SIGLEC8: variants seen among roughly 807,000 people sequenced by gnomAD.
The protein encoded by SIGLEC8 is sialic acid binding Ig like lectin 8, also known as sialic acid-binding Ig-like lectin 8.
A neutral mutation model predicts 42.1 loss-of-function variants in SIGLEC8; 32 were observed. That is an observed-to-expected ratio of 0.76 (90% CI 0.57 to 1.02). The LOEUF (loss-of-function observed/expected upper bound fraction) is 1.02. Among genes scored for constraint, SIGLEC8 ranks in the 50% least tolerant of loss-of-function variants. The pLI, the probability that SIGLEC8 is intolerant of heterozygous loss-of-function variation, is 0.00. For synonymous variants in SIGLEC8, 262 were observed against 260.3 expected (o/e 1.01, Z -0.06); for missense variants, 611 against 610.2 (o/e 1.00, Z -0.01).
chr19:51,455,978 A>G (rs1282330234), intron 3 of SIGLEC8, among the ~76,000 whole-genome samples: 1 of 151,808 alleles, frequency 6.6e-6, no homozygotes, highest in Non-Finnish European at 1.5e-5. Context: ...TGCAAGGACA[A>G]AAAAACAAAC....
Position 51,452,361 on chromosome 19 carries a change from G to C in SIGLEC8, c.*18C>G. On this transcript the variant is annotated 3_prime_UTR_variant, in exon 7 of 7. Coordinates refer to ENST00000321424, the MANE Select transcript of SIGLEC8 (RefSeq NM_014442.3). ...ACTGCATAGCATGGGGCTCTAGAGG[G>C]TTCTTGTTCTATGAGAATCAGCCTC... The C allele has an allele frequency of 2.5e-6, 4 of 1,585,332 alleles. No homozygotes were observed. The highest frequency in any genetic ancestry group is 3.5e-6 in the Non-Finnish European group (4 of 1,157,136).
In SIGLEC8 at chr19:51,455,527, C is replaced by T; in HGVS notation, c.942G>A (p.Glu314=). Residue 314 remains glutamate (E), a synonymous_variant, in exon 4 of 7, where the codon GAG becomes GAA. Coordinates refer to ENST00000321424, the MANE Select transcript of SIGLEC8 (RefSeq NM_014442.3). ...CATCCCTCACGTGCACTCGAGGCAG[C>T]TCCAGCAGCCCAGGGTTTGAGGACC... ...PSRSSNPGLL[E]LPRVHVRDEG... is the part of the protein sequence containing the mutation. 3 of 1,614,134 alleles carry T rather than the reference C, an allele frequency of 1.9e-6. No homozygotes were observed. Among genetic ancestry groups the T allele is most frequent in the Non-Finnish European group, 1.7e-6 (2 of 1,179,992 alleles).
At position 51,457,999 on chromosome 19, in the gene SIGLEC8, C is replaced by T; in HGVS notation, c.389G>A (p.Ser130Asn). 6.2e-7 allele frequency: 1 copy of T among 1,614,166 alleles called. No individual in the cohort carries two copies. The highest frequency in any genetic ancestry group is 8.5e-7 in the Non-Finnish European group (1 of 1,180,024). ...CTGTGATTTGTAACTCCATTTCATG[C>T]TTCCTCTCTCTAGCCGAAAGAAATA... is the stretch of plus-strand genomic sequence containing the variant. ...GSYFFRLERG[S>N]MKWSYKSQLN... is the part of the protein sequence containing the mutation. Residue 130 changes from serine (S) to asparagine (N), a missense_variant, in exon 1 of 7, where the codon AGC becomes AAC. Physicochemically the swap from Ser to Asn is conservative, Grantham distance 46. Transcript: ENST00000321424.
chr19:51,457,073 GCACAGT>G, intron 3 of SIGLEC8, 105 bp downstream of exon 3: 3 of 991,828 alleles, frequency 3.0e-6, no homozygotes, highest in Non-Finnish European at 4.8e-6. Context: ...CTGGGCTCAC[GCACAGT>G]GGCAGCTCTG....
Position 51,454,832 on chromosome 19 carries a change from C to T in SIGLEC8, c.1052-52G>A. 1 of 1,332,970 alleles carries T rather than the reference C, an allele frequency of 7.5e-7. No homozygotes were observed. Among genetic ancestry groups the T allele is most frequent in the Non-Finnish European group, 1.1e-6 (1 of 924,958 alleles). The allele number at this position is 1,332,970 out of a possible 1,614,324, so 82.6% of individuals were successfully genotyped here. ...GGATTTATATCACGGAGAAGTGGGTCTCTTCCCCTCCCACTGTCTGCAGGG... is the reference window on the plus strand; with the variant it reads ...GGATTTATATCACGGAGAAGTGGGTTTCTTCCCCTCCCACTGTCTGCAGGG... On this transcript the variant is annotated intron_variant, in intron 4 of 6. Coordinates refer to ENST00000321424, the MANE Select transcript of SIGLEC8 (RefSeq NM_014442.3). This position sits in a 1 kb window ranked among gnomAD's most constrained non-coding sequence, Gnocchi z 4.7.
Position 51,452,492 on chromosome 19 carries a change from G to T in SIGLEC8, c.1387C>A (p.Gln463Lys), listed in dbSNP as rs765660143. The T allele has an allele frequency of 2.9e-5, 47 of 1,610,790 alleles. No homozygotes were observed. The highest frequency in any genetic ancestry group is 3.7e-5 in the Non-Finnish European group (44 of 1,177,374). Residue 463 changes from glutamine to lysine, a missense_variant, in exon 7 of 7, where the codon CAG becomes AAG. Transcript: ENST00000321424. ...HKVKPQDPQGQEATDSEYSEI... is the reference protein window; with the variant it reads ...HKVKPQDPQGKEATDSEYSEI... Reference sequence around the variant, plus strand: ...GAGTATTCACTGTCAGTGGCCTCCTGTCCCTGCGGGTCCTGAGGCTTCACT... The same window carrying T: ...GAGTATTCACTGTCAGTGGCCTCCTTTCCCTGCGGGTCCTGAGGCTTCACT...
At position 51,454,645 on chromosome 19, in the gene SIGLEC8, C is replaced by A; in HGVS notation, c.1148+39G>T. 1 of 1,521,420 alleles carries A rather than the reference C, an allele frequency of 6.6e-7. No individual in the cohort carries two copies. Among genetic ancestry groups the A allele is most frequent in the East Asian group, 2.3e-5 (1 of 44,402 alleles). 94.2% of individuals were successfully genotyped at this position (1,521,420 alleles called of 1,614,324 possible). ...GGGATTCTGTTCCCGGTCTGCCCTGCCCCAGGTCTCTCTCTCCCTCCCCAG... is the reference window on the plus strand; with the variant it reads ...GGGATTCTGTTCCCGGTCTGCCCTGACCCAGGTCTCTCTCTCCCTCCCCAG... On this transcript the variant is annotated intron_variant, in intron 5 of 6. Coordinates refer to ENST00000321424, the MANE Select transcript of SIGLEC8 (RefSeq NM_014442.3). This position sits in a 1 kb window ranked among gnomAD's most constrained non-coding sequence, Gnocchi z 4.7.
At chr19:51,455,378 G>A (rs1033711779) in intron 4 of SIGLEC8, 40 bp downstream of exon 4, 1 of 1,605,912 alleles carries the variant, frequency 6.2e-7, no homozygotes. Context: ...ATGAGGGTGG[G>A]GCAGGTGTGT....
At position 51,456,695 on chromosome 19, in the gene SIGLEC8, G is replaced by A. The variant is rs187945961; in HGVS notation, c.781+489C>T. Among the ~76,000 whole-genome samples, 159 of 152,326 alleles carry A rather than the reference G, an allele frequency of 1.0e-3. 1 individual carries two copies. The highest frequency in any genetic ancestry group is 1.9e-3 in the Non-Finnish European group (126 of 68,024). ...AACCAAGACTCAGGGCAGCCTGGAC[G>A]GACGCTGGTCAGTTCCGTGGAGGGG... is the stretch of plus-strand genomic sequence containing the variant. On this transcript the variant is annotated intron_variant, in intron 3 of 6. Coordinates refer to ENST00000321424, the MANE Select transcript of SIGLEC8 (RefSeq NM_014442.3).
Position 51,452,376 on chromosome 19 carries a change from G to C in SIGLEC8, c.*3C>G, listed in dbSNP as rs996387114. On this transcript the variant is annotated 3_prime_UTR_variant, in exon 7 of 7. Coordinates refer to ENST00000321424, the MANE Select transcript of SIGLEC8 (RefSeq NM_014442.3). ...GCTCTAGAGGGTTCTTGTTCTATGA[G>C]AATCAGCCTCTGACTTCTTTGCTGG... is the stretch of plus-strand genomic sequence containing the variant. The C allele has an allele frequency of 1.3e-6, 2 of 1,593,452 alleles. No homozygotes were observed. The highest frequency in any genetic ancestry group is 1.7e-6 in the Non-Finnish European group (2 of 1,163,126).
chr19:51,452,510 G>T lies in SIGLEC8; in HGVS notation c.1369C>A (p.Pro457Thr). The T allele has an allele frequency of 6.2e-6, 10 of 1,607,710 alleles. No homozygotes were observed. The highest frequency in any genetic ancestry group is 7.7e-6 in the Non-Finnish European group (9 of 1,174,804). ...GCCTCCTGTCCCTGCGGGTCCTGAGGCTTCACTTTATGGAAGCTGAGGGTT... is the reference window on the plus strand; with the variant it reads ...GCCTCCTGTCCCTGCGGGTCCTGAGTCTTCACTTTATGGAAGCTGAGGGTT... ...YATLSFHKVK[P>T]QDPQGQEATD... The change falls in exon 7 of 7, where the codon CCT (proline) becomes ACT (threonine). Residue 457 changes from proline to threonine, a missense_variant. Coordinates refer to ENST00000321424, the MANE Select transcript of SIGLEC8 (RefSeq NM_014442.3).
At chr19:51,455,922 G>A (rs547722890) in intron 3 of SIGLEC8, among the ~76,000 whole-genome samples, 5 of 152,268 alleles carry the variant, frequency 3.3e-5, no homozygotes, top group Non-Finnish European at 5.9e-5. Flanking sequence ...CATGTCCTTT[G>A]TAGGGACATG....
In SIGLEC8 at chr19:51,455,389, TCTC is replaced by T. The variant is rs778814716; in HGVS notation, c.1051+26_1051+28del. On this transcript the variant is annotated intron_variant, in intron 4 of 6. Coordinates refer to ENST00000321424, the MANE Select transcript of SIGLEC8 (RefSeq NM_014442.3). ...GTCCATGAGGGTGGGGCAGGTGTGT[TCTC>T]CTCCTCCAGCCCCTCCCTTACCCAC... The T allele has an allele frequency of 1.0e-3, 1,631 of 1,608,378 alleles. 16 individuals carry two copies. In the African/African-American group the frequency reaches 0.017, roughly 17 times the overall value.
In SIGLEC8 at chr19:51,451,367, T is replaced by C. The variant is rs1989361211; in HGVS notation, c.*1012A>G. ...TTAAATTGGGGGTAAACAAAATAAG[T>C]ACAGACCCGCCATACAGGTTGGGCA... On this transcript the variant is annotated 3_prime_UTR_variant, in exon 7 of 7. Transcript: ENST00000321424. The C allele has an allele frequency of 6.6e-6, 1 of 152,078 alleles. No individual in the cohort carries two copies. The highest frequency in any genetic ancestry group is 2.1e-4 in the South Asian group (1 of 4,828). 9.4% of individuals were successfully genotyped at this position (152,078 alleles called of 1,614,324 possible). A position where few individuals can be genotyped will look rare whatever the true frequency, so the allele number is the denominator to read the frequency against.
chr19:51,453,009 G>A (rs761234346), intron 6 of SIGLEC8, among the ~76,000 whole-genome samples: 1 of 152,116 alleles, frequency 6.6e-6, no homozygotes, highest in Non-Finnish European at 1.5e-5. Context: ...GCCCTGAGCC[G>A]GTGCTGGATA....
intron 6 of SIGLEC8, chr19:51,453,994 G>C: frequency 1.0e-6 from 1 of 985,278 alleles, no homozygotes; most frequent in Non-Finnish European, 1.2e-6. Context: ...AGAAAAGGAG[G>C]ACAGAGAGGA....
intron 6 of SIGLEC8, chr19:51,453,454 T>G (rs1989416004): frequency 1.1e-6 from 1 of 931,932 alleles, no homozygotes; most frequent in Non-Finnish European, 1.3e-6. Context: ...TCCTAACACT[T>G]TGGGAGGCTG....
intron 6 of SIGLEC8, chr19:51,453,318 G>A: frequency 1.1e-6 from 1 of 903,726 alleles, no homozygotes; most frequent in Non-Finnish European, 1.3e-6. Context: ...TCAAACTCCT[G>A]GGCTCAAGCG....
chr19:51,454,636 T>C lies in SIGLEC8; in HGVS notation c.1148+48A>G, dbSNP rs1351244253. 6.8e-7 allele frequency: 1 copy of C among 1,477,276 alleles called. No individual in the cohort carries two copies. Among genetic ancestry groups the C allele is most frequent in the Non-Finnish European group, 9.5e-7 (1 of 1,056,044 alleles). The allele number at this position is 1,477,276 out of a possible 1,614,324, so 91.5% of individuals were successfully genotyped here. A position where few individuals can be genotyped will look rare whatever the true frequency, so the allele number is the denominator to read the frequency against. On this transcript the variant is annotated intron_variant, in intron 5 of 6. Coordinates refer to ENST00000321424, the MANE Select transcript of SIGLEC8 (RefSeq NM_014442.3). The surrounding 1 kb of genome is among the most constrained non-coding windows in gnomAD (Gnocchi z 4.7). ...CTGGCTTCAGGGATTCTGTTCCCGG[T>C]CTGCCCTGCCCCAGGTCTCTCTCTC...
Sources: gnomAD v4.1 joint callset for allele counts (sites outside exome capture counted in the v4.1 genomes callset) on GRCh38, gnomAD v4.1.1 for gene constraint, Gnocchi (gnomAD v3.1) non-coding constraint, MANE v1.5 for transcripts, NCBI Gene and HGNC (gene_info 2026-07-23, HGNC 2026-07-21) for gene names.